The following HMBOX1 variants were observed in gnomAD, a reference collection of about 807,000 sequenced individuals.
HMBOX1 encodes the protein homeobox-containing protein 1.
A neutral mutation model predicts 54.5 loss-of-function variants in HMBOX1; 14 were observed. That is an observed-to-expected ratio of 0.26 (90% CI 0.17 to 0.40). The LOEUF (loss-of-function observed/expected upper bound fraction) is 0.40. Ranked by LOEUF, HMBOX1 falls within the 10% of genes least tolerant of loss-of-function variation. The pLI, the probability that HMBOX1 is intolerant of heterozygous loss-of-function variation, is 1.00. For synonymous variants in HMBOX1, 160 were observed against 181.0 expected (o/e 0.88, Z 0.93); for missense variants, 332 against 514.4 (o/e 0.65, Z 3.43).
Position 29,051,438 on chromosome 8 carries a change from A to C in HMBOX1, c.*283A>C. 1 of 680,376 alleles carries C rather than the reference A, an allele frequency of 1.5e-6. No homozygotes were observed. The highest frequency in any genetic ancestry group is 2.7e-6 in the Non-Finnish European group (1 of 368,650). 42.1% of individuals were successfully genotyped at this position (680,376 alleles called of 1,614,324 possible). ...CTGCTCCGTCTTAGCATTCCAAGAA[A>C]GTGCTTCCAGGTATTTAGATAGCCC... On this transcript the variant is annotated 3_prime_UTR_variant, in exon 10 of 10. Coordinates refer to ENST00000287701, the MANE Select transcript of HMBOX1 (RefSeq NM_001135726.3).
intron 1 of HMBOX1, among the ~76,000 whole-genome samples, chr8:28,948,849 G>T (rs935293413): frequency 6.6e-6 from 1 of 151,916 alleles, no homozygotes; most frequent in Admixed American, 6.6e-5. Flanking sequence ...CTTTATTAAG[G>T]GTTGGGAAAC....
At chr8:29,018,579 A>G (rs888633384) in intron 5 of HMBOX1, among the ~76,000 whole-genome samples, 181 bp from the exon 6 acceptor site, 3 of 152,204 alleles carry the variant, frequency 2.0e-5, no homozygotes, top group African/African-American at 7.2e-5. Context: ...TCTGAGGTAT[A>G]TTGTTCAAAA....
chr8:28,919,523 C>A (rs1328363672), intron 1 of HMBOX1, among the ~76,000 whole-genome samples: 1 of 152,056 alleles, frequency 6.6e-6, no homozygotes, highest in Non-Finnish European at 1.5e-5. Flanking sequence ...ACAGATAGCA[C>A]AATGCTGTAT....
intron 1 of HMBOX1, among the ~76,000 whole-genome samples, chr8:28,948,520 T>G (rs1822882640): frequency 6.6e-6 from 1 of 152,248 alleles, no homozygotes; most frequent in Non-Finnish European, 1.5e-5. Context: ...AATCCTTGTC[T>G]ATGGCCAGCT....
At chr8:29,003,941 T>C (rs954942446) in intron 4 of HMBOX1, among the ~76,000 whole-genome samples, 1 of 152,144 alleles carries the variant, frequency 6.6e-6, no homozygotes, top group Non-Finnish European at 1.5e-5. Context: ...ATTTTTCTTA[T>C]AGTTACTGCA....
chr8:28,900,271 A>ATATATATATATATATAT (rs1554519262), intron 1 of HMBOX1, among the ~76,000 whole-genome samples: 11 of 70,344 alleles, frequency 1.6e-4, no homozygotes, highest in South Asian at 5.5e-4. Context: ...AAAAAAAAAA[A>ATATATATATATATATAT]ATATATATAT....
chr8:28,899,979 A>G (rs1177270087), intron 1 of HMBOX1, among the ~76,000 whole-genome samples: 1 of 152,072 alleles, frequency 6.6e-6, no homozygotes, highest in African/African-American at 2.4e-5. Context: ...GGCTGGGCGC[A>G]GTGGCTCACA....
intron 1 of HMBOX1, among the ~76,000 whole-genome samples, chr8:28,894,840 G>A (rs183064845): frequency 9.9e-5 from 15 of 151,830 alleles, no homozygotes; most frequent in African/African-American, 3.1e-4. Flanking sequence ...TACCCTTATA[G>A]TGGTAATAAA....
rs576191892 is a variant in HMBOX1, at chr8:28,979,973, T to C, written c.501-98T>C. ...TTACCCTTTATTTTTGTGTCCTTTC[T>C]GTGTTCTCCCCACCTCTCTGCTTCA... On this transcript the variant is annotated intron_variant, in intron 3 of 9. Coordinates refer to ENST00000287701, the MANE Select transcript of HMBOX1 (RefSeq NM_001135726.3). The C allele has an allele frequency of 1.0e-5, 9 of 876,234 alleles. No homozygotes were observed. In the African/African-American group the frequency reaches 1.2e-4, roughly 11 times the overall value. 54.3% of individuals were successfully genotyped at this position (876,234 alleles called of 1,614,324 possible).
Position 28,970,981 on chromosome 8 carries a change from GAC to G in HMBOX1, c.500+510_500+511del, listed in dbSNP as rs10554708. Reference sequence around the variant, plus strand: ...ATAGGTTCTAATTTTAGCAATAGATGACACACACACACACACACACACACACA... The same window carrying G: ...ATAGGTTCTAATTTTAGCAATAGATGACACACACACACACACACACACACA... On this transcript the variant is annotated intron_variant, in intron 3 of 9. Transcript: ENST00000287701. This position sits in a 1 kb window ranked among gnomAD's most constrained non-coding sequence, Gnocchi z 4.3. Among the ~76,000 whole-genome samples the G allele has an allele frequency of 0.2, 25,887 of 131,630 alleles. 2,322 individuals are homozygous for G. Among genetic ancestry groups the G allele is most frequent in the Middle Eastern group, 0.24 (63 of 268 alleles). The allele number at this position is 131,630 out of a possible 152,430, so 86.4% of individuals were successfully genotyped here.
At chr8:29,026,503 T>C (rs1309851701) in intron 6 of HMBOX1, among the ~76,000 whole-genome samples, 1 of 152,122 alleles carries the variant, frequency 6.6e-6, no homozygotes, top group Non-Finnish European at 1.5e-5. Flanking sequence ...CTTAAATAAG[T>C]GAAGTTTTTG....
rs185700540 is a variant in HMBOX1 at position 28,981,301 on chromosome 8, T to C, written c.586+1145T>C. Among the ~76,000 whole-genome samples, 705 of 152,332 alleles carry C rather than the reference T, an allele frequency of 4.6e-3. 5 individuals are homozygous for C. Among genetic ancestry groups the C allele is most frequent in the African/African-American group, 0.016 (655 of 41,570 alleles). ...TGGTAAAATACTTTAGTTAAAGGTG[T>C]CCTTCGGTGTAGAAGTCTTATACCA... On this transcript the variant is annotated intron_variant, in intron 4 of 9. Coordinates refer to ENST00000287701, the MANE Select transcript of HMBOX1 (RefSeq NM_001135726.3).
At chr8:29,013,103 T>C (rs1834421127) in intron 5 of HMBOX1, among the ~76,000 whole-genome samples, 1 of 152,236 alleles carries the variant, frequency 6.6e-6, no homozygotes, top group Admixed American at 6.5e-5. Context: ...TCCTGGGCGT[T>C]GGAGCATTTC....
At chr8:28,907,826 T>C (rs1225056486) in intron 1 of HMBOX1, among the ~76,000 whole-genome samples, 1 of 151,968 alleles carries the variant, frequency 6.6e-6, no homozygotes, top group Non-Finnish European at 1.5e-5. Flanking sequence ...CTATATGAAA[T>C]ATACTGATTT....
chr8:29,018,106 C>T (rs888498547), intron 5 of HMBOX1, among the ~76,000 whole-genome samples: 2 of 152,070 alleles, frequency 1.3e-5, no homozygotes, highest in African/African-American at 2.4e-5. Flanking sequence ...TGAAAGCATA[C>T]CAAGTTACAT....
At chr8:29,011,686 C>G (rs1834242999) in intron 5 of HMBOX1, among the ~76,000 whole-genome samples, 1 of 152,030 alleles carries the variant, frequency 6.6e-6, no homozygotes, top group Admixed American at 6.6e-5. Flanking sequence ...AGCTTTAGCA[C>G]TGGGCTGATA....
chr8:29,001,406 C>T (rs915450674), intron 4 of HMBOX1, among the ~76,000 whole-genome samples: 1 of 152,054 alleles, frequency 6.6e-6, no homozygotes, highest in African/African-American at 2.4e-5. Context: ...AAAAATTAGC[C>T]AGGCGTGGTG....
chr8:28,900,790 T>C (rs1025533815), intron 1 of HMBOX1, among the ~76,000 whole-genome samples: 1 of 152,110 alleles, frequency 6.6e-6, no homozygotes. Context: ...GTAAGCGAGT[T>C]TTTTTTGTTT....
chr8:29,001,283 C>T lies in HMBOX1; in HGVS notation c.587-7789C>T, dbSNP rs530312466. Among the ~76,000 whole-genome samples the T allele has an allele frequency of 7.2e-5, 11 of 152,310 alleles. No individual in the cohort carries two copies. The South Asian group carries it at 2.3e-3, about 32-fold the overall frequency. On this transcript the variant is annotated intron_variant, in intron 4 of 9. Coordinates refer to ENST00000287701, the MANE Select transcript of HMBOX1 (RefSeq NM_001135726.3). ...AAGGCATTTTGGCCAGACACAGTGG[C>T]CCACTCCTGTAATCCAGGTACTCTG...
Sources: gnomAD v4.1 joint callset for allele counts (sites outside exome capture counted in the v4.1 genomes callset) on GRCh38, gnomAD v4.1.1 for gene constraint, Gnocchi (gnomAD v3.1) non-coding constraint, MANE v1.5 for transcripts, NCBI Gene and HGNC (gene_info 2026-07-23, HGNC 2026-07-21) for gene names.